EYS: variants seen among roughly 807,000 people sequenced by gnomAD.
EYS encodes protein eyes shut homolog.
A neutral mutation model predicts 282.1 loss-of-function variants in EYS; 250 were observed. The observed-to-expected ratio is 0.89, with a 90% CI of 0.80 to 0.98. The LOEUF (loss-of-function observed/expected upper bound fraction) is 0.98. EYS is among the 50% of genes least tolerant of loss of function. The probability of loss-of-function intolerance (pLI) is 0.00; values close to 1 mark genes in which losing one functional copy is unlikely to be tolerated. For missense variants in EYS, 4,016 were observed against 3,709.0 expected (o/e 1.08, Z -2.15); for synonymous variants, 1,355 against 1,282.9 (o/e 1.06, Z -1.20).
intron 12 of EYS, among the ~76,000 whole-genome samples, chr6:65,182,464 A>G (rs1051635393): frequency 6.6e-6 from 1 of 151,590 alleles, no homozygotes; most frequent in Admixed American, 6.6e-5. Context: ...TTACATCATA[A>G]TAATGCAAAC....
At chr6:64,048,201 C>T (rs1008972756) in intron 33 of EYS, among the ~76,000 whole-genome samples, 15 of 152,118 alleles carry the variant, frequency 9.9e-5, no homozygotes, top group African/African-American at 3.6e-4. Flanking sequence ...CCACTGCGCA[C>T]GGCCTTGATT....
chr6:64,013,272 A>G (rs755531228), intron 33 of EYS, among the ~76,000 whole-genome samples: 7 of 152,096 alleles, frequency 4.6e-5, no homozygotes, highest in Non-Finnish European at 7.4e-5. Flanking sequence ...ACGCTATCCA[A>G]TTCACGTGCA....
At chr6:65,333,261 T>C (rs1387120177) in intron 11 of EYS, among the ~76,000 whole-genome samples, 2 of 151,622 alleles carry the variant, frequency 1.3e-5, no homozygotes, top group Non-Finnish European at 3.0e-5. Flanking sequence ...CAAAGTCTTT[T>C]CTAATTTCTC....
At chr6:65,627,921 A>G (rs1394831763) in intron 2 of EYS, among the ~76,000 whole-genome samples, 1 of 152,224 alleles carries the variant, frequency 6.6e-6, no homozygotes, top group Non-Finnish European at 1.5e-5. Flanking sequence ...AGGGCTGAGG[A>G]ATGCGAGCGC....
chr6:64,100,475 T>C (rs1026911536), intron 31 of EYS, among the ~76,000 whole-genome samples: 78 of 152,290 alleles, frequency 5.1e-4, no homozygotes, highest in African/African-American at 1.8e-3. Flanking sequence ...CCAAAATCCT[T>C]TGGAGTATAA....
intron 1 of EYS, among the ~76,000 whole-genome samples, chr6:65,653,673 C>A (rs1042843338): frequency 6.6e-6 from 1 of 151,924 alleles, no homozygotes; most frequent in Non-Finnish European, 1.5e-5. Flanking sequence ...CTCTCCCATT[C>A]CAGGATCTGT....
intron 11 of EYS, among the ~76,000 whole-genome samples, chr6:65,323,157 A>AT (rs946207784): frequency 6.2e-5 from 9 of 144,280 alleles, no homozygotes; most frequent in South Asian, 4.6e-4. Context: ...GCACAAAGGG[A>AT]TTTTTTTAAA....
At chr6:65,058,097 T>C (rs1773468940) in intron 12 of EYS, among the ~76,000 whole-genome samples, 1 of 151,872 alleles carries the variant, frequency 6.6e-6, no homozygotes. Context: ...GAAAAGAAAA[T>C]ATTGGTGAAT....
chr6:65,286,471 A>G (rs1562073045), intron 12 of EYS, among the ~76,000 whole-genome samples: 1 of 151,774 alleles, frequency 6.6e-6, no homozygotes, highest in East Asian at 1.9e-4. Context: ...ATTTTTAAAA[A>G]TACATTTCTA....
At chr6:64,821,277 C>A (rs758021715) in intron 21 of EYS, among the ~76,000 whole-genome samples, 1 of 152,030 alleles carries the variant, frequency 6.6e-6, no homozygotes, top group Non-Finnish European at 1.5e-5. Flanking sequence ...GTCATCCCTA[C>A]AGATCCACAG....
At position 64,391,383 on chromosome 6, in the gene EYS, G is replaced by A. The variant is rs202194334; in HGVS notation, c.5928-2543C>T. 3.3e-5 allele frequency among the ~76,000 whole-genome samples: 5 copies of A among 152,122 alleles called. No individual in the cohort carries two copies. The East Asian group carries it at 5.8e-4, about 18-fold the overall frequency. On this transcript the variant is annotated intron_variant, in intron 28 of 42. Transcript: ENST00000503581. ...TTAAGGGCAGCCAGAGAGAAAGGTC[G>A]GATTACCCTCCAAGGGAAGCCCATC...
At chr6:65,518,989 C>G (rs937980892) in intron 2 of EYS, among the ~76,000 whole-genome samples, 11 of 152,054 alleles carry the variant, frequency 7.2e-5, no homozygotes, top group African/African-American at 2.4e-4. Flanking sequence ...ACAGCCAAAC[C>G]ATATAAATGT....
chr6:64,423,277 T>G (rs937465023), intron 28 of EYS, among the ~76,000 whole-genome samples: 1 of 152,250 alleles, frequency 6.6e-6, no homozygotes, highest in Admixed American at 6.5e-5. Flanking sequence ...TCAAGTAAGA[T>G]GTCACATGCT....
intron 18 of EYS, among the ~76,000 whole-genome samples, chr6:64,889,412 C>T (rs558790688): frequency 1.3e-5 from 2 of 151,898 alleles, no homozygotes; most frequent in South Asian, 4.1e-4. Context: ...ATTCTGACAC[C>T]TACCCATAAT....
chr6:63,773,335 C>A (rs1306318914), intron 40 of EYS, among the ~76,000 whole-genome samples: 4 of 151,986 alleles, frequency 2.6e-5, no homozygotes, highest in Non-Finnish European at 5.9e-5. Flanking sequence ...CTCAAGGAAG[C>A]AACAGTGAGA....
intron 30 of EYS, among the ~76,000 whole-genome samples, chr6:64,300,740 C>T (rs1317035722): frequency 1.3e-5 from 2 of 152,224 alleles, no homozygotes; most frequent in Non-Finnish European, 2.9e-5. Context: ...CTTCCCTCCA[C>T]CGCAGTGATT....
intron 12 of EYS, among the ~76,000 whole-genome samples, chr6:65,252,351 T>C (rs540571975): frequency 7.9e-5 from 12 of 152,036 alleles, no homozygotes; most frequent in African/African-American, 2.9e-4. Flanking sequence ...AGATTGACCA[T>C]TGATGGCAAA....
At chr6:64,112,812 T>C (rs1334760562) in intron 31 of EYS, among the ~76,000 whole-genome samples, 1 of 150,096 alleles carries the variant, frequency 6.7e-6, no homozygotes, top group Non-Finnish European at 1.5e-5. Flanking sequence ...TATCTCTCTA[T>C]ATATATCTTC....
intron 11 of EYS, among the ~76,000 whole-genome samples, chr6:65,322,202 T>C (rs1769494128): frequency 6.6e-6 from 1 of 152,258 alleles, no homozygotes; most frequent in Non-Finnish European, 1.5e-5. Flanking sequence ...AAGATCTAAT[T>C]ATCCAGACGT....
Sources: gnomAD v4.1 joint callset for allele counts (sites outside exome capture counted in the v4.1 genomes callset) on GRCh38, gnomAD v4.1.1 for gene constraint, MANE v1.5 for transcripts, NCBI Gene and HGNC (gene_info 2026-07-23, HGNC 2026-07-21) for gene names.